The following ERCC8 variants were observed in gnomAD, a reference collection of about 807,000 sequenced individuals.
The protein encoded by ERCC8 is ERCC excision repair 8, CSA ubiquitin ligase complex subunit, also known as DNA excision repair protein ERCC-8.
In ERCC8, 52 loss-of-function variants were observed where a neutral mutation model predicts 54.9. The observed-to-expected ratio is 0.95, with a 90% CI of 0.76 to 1.19. The LOEUF is 1.19. Ranked by LOEUF, ERCC8 falls within the 50% of genes most tolerant of loss-of-function variation. The probability of loss-of-function intolerance (pLI) is 0.00; values close to 1 mark genes in which losing one functional copy is unlikely to be tolerated. For missense variants in ERCC8, 514 were observed against 466.1 expected (o/e 1.10, Z -0.95); for synonymous variants, 146 against 157.2 (o/e 0.93, Z 0.53).
At chr5:60,917,082 G>C (rs1749457221) in intron 4 of ERCC8, among the ~76,000 whole-genome samples, 1 of 152,100 alleles carries the variant, frequency 6.6e-6, no homozygotes, top group Non-Finnish European at 1.5e-5. Context: ...AGAACTAAAA[G>C]GGACCTTAGA....
chr5:60,904,632 GTGTATATATATATATATA>G (rs1202443038), intron 5 of ERCC8, among the ~76,000 whole-genome samples, 142 bp downstream of exon 5: 6 of 35,866 alleles, frequency 1.7e-4, no homozygotes, highest in Admixed American at 3.4e-4. Context: ...GTGTGTGTGT[GTGTATATATATATATATA>G]TATATATATA....
intron 1 of ERCC8, among the ~76,000 whole-genome samples, chr5:60,937,533 A>G (rs1026517138): frequency 6.6e-6 from 1 of 152,154 alleles, no homozygotes; most frequent in African/African-American, 2.4e-5. Context: ...CAGGGGGATT[A>G]TGGCTGCCTC....
chr5:60,898,597 CAAAAA>C (rs915232990), intron 8 of ERCC8, among the ~76,000 whole-genome samples, 197 bp from the exon 9 acceptor site: 1 of 139,516 alleles, frequency 7.2e-6, no homozygotes, highest in South Asian at 2.3e-4. Context: ...TAGAGGAAAA[CAAAAA>C]AAAAAGGGAA....
chr5:60,918,394 A>G lies in ERCC8; in HGVS notation c.276-6T>C, dbSNP rs1249768739. 6.2e-7 allele frequency: 1 copy of G among 1,609,020 alleles called. No individual in the cohort carries two copies. Among genetic ancestry groups the G allele is most frequent in the East Asian group, 2.2e-5 (1 of 44,840 alleles). On this transcript the variant is annotated splice_polypyrimidine_tract_variant and splice_region_variant and intron_variant, in intron 3 of 11. Transcript: ENST00000676185. ...TGTGAACATCAGGATGATCTCTACAAAACAGCAATCAAAATTTACATTAAC... is the reference window on the plus strand; with the variant it reads ...TGTGAACATCAGGATGATCTCTACAGAACAGCAATCAAAATTTACATTAAC...
chr5:60,903,603 A>G lies in ERCC8; in HGVS notation c.550+45T>C, dbSNP rs764057678. The G allele has an allele frequency of 1.1e-5, 18 of 1,610,558 alleles. No individual in the cohort carries two copies. In the Middle Eastern group the frequency reaches 5.1e-4, roughly 46 times the overall value. On this transcript the variant is annotated intron_variant, in intron 6 of 11. Transcript: ENST00000676185. ...TGTTAGTAACGTTTCTTTTTATTGAATCGTTTACTCAAAGTAGTTGCCGTT... is the reference window on the plus strand; with the variant it reads ...TGTTAGTAACGTTTCTTTTTATTGAGTCGTTTACTCAAAGTAGTTGCCGTT...
chr5:60,924,919 C>T (rs779070115), intron 2 of ERCC8, among the ~76,000 whole-genome samples: 6 of 152,016 alleles, frequency 3.9e-5, no homozygotes, highest in Admixed American at 1.3e-4. Context: ...ACATTATTCT[C>T]TCATTTATTA....
chr5:60,919,866 C>T (rs1749552219), intron 3 of ERCC8, among the ~76,000 whole-genome samples: 1 of 151,810 alleles, frequency 6.6e-6, no homozygotes, highest in Non-Finnish European at 1.5e-5. Context: ...TTTTAAAAAA[C>T]AGTAATTATG....
At chr5:60,899,231 T>C (rs1392701929) in intron 8 of ERCC8, among the ~76,000 whole-genome samples, 2 of 152,010 alleles carry the variant, frequency 1.3e-5, no homozygotes, top group African/African-American at 4.8e-5. Context: ...GTCACATGGA[T>C]TGCAGCTGAC....
chr5:60,904,634 G>GTATATATATATATA (rs869039109), intron 5 of ERCC8, among the ~76,000 whole-genome samples, 158 bp downstream of exon 5: 11 of 49,932 alleles, frequency 2.2e-4, no homozygotes, highest in African/African-American at 8.4e-4. Context: ...GTGTGTGTGT[G>GTATATATATATATA]TATATATATA....
chr5:60,900,223 G>T (rs1748836354), intron 7 of ERCC8, among the ~76,000 whole-genome samples: 1 of 151,836 alleles, frequency 6.6e-6, no homozygotes, highest in Non-Finnish European at 1.5e-5. Context: ...ATTTCCATTT[G>T]GTTTCCTATA....
At chr5:60,889,514 T>C (rs1748486886) in intron 10 of ERCC8, among the ~76,000 whole-genome samples, 1 of 152,132 alleles carries the variant, frequency 6.6e-6, no homozygotes, top group South Asian at 2.1e-4. Context: ...TTCTGTCACC[T>C]AGGCTGGCCT....
At chr5:60,928,841 T>C in intron 2 of ERCC8, 23 bp downstream of exon 2, 1 of 1,315,252 alleles carries the variant, frequency 7.6e-7, no homozygotes, top group African/African-American at 1.4e-5. Flanking sequence ...AGAAAAATGA[T>C]TATACAAGTA....
intron 6 of ERCC8, among the ~76,000 whole-genome samples, chr5:60,902,876 C>T (rs955524241): frequency 6.6e-6 from 1 of 151,860 alleles, no homozygotes; most frequent in African/African-American, 2.4e-5. Context: ...TCCAATTTCT[C>T]ATAAAGTTAT....
At chr5:60,938,090 A>ATT (rs1353584586) in intron 1 of ERCC8, among the ~76,000 whole-genome samples, 6 of 21,856 alleles carry the variant, frequency 2.7e-4, no homozygotes, top group Admixed American at 1.5e-3. Context: ...TATATATTTT[A>ATT]TTTTTTTTTT....
rs561599360 is a variant in ERCC8 at position 60,878,164 on chromosome 5, C to T, written c.1123-3481G>A. ...TTGTCATTGGTTCTGTTTATATGCT[C>T]GATTACGTTTATTGATTTGTGTATG... On this transcript the variant is annotated intron_variant, in intron 11 of 11. Coordinates refer to ENST00000676185, the MANE Select transcript of ERCC8 (RefSeq NM_000082.4). 2.3e-3 allele frequency among the ~76,000 whole-genome samples: 350 copies of T among 151,110 alleles called. 7 individuals carry two copies. In the East Asian group the frequency reaches 0.027, roughly 12 times the overall value.
At chr5:60,904,106 A>G (rs1748983504) in intron 5 of ERCC8, among the ~76,000 whole-genome samples, 1 of 152,084 alleles carries the variant, frequency 6.6e-6, no homozygotes, top group Non-Finnish European at 1.5e-5. Context: ...GTACAGTTCT[A>G]TTCCATTTTA....
intron 4 of ERCC8, among the ~76,000 whole-genome samples, chr5:60,907,770 A>T (rs1355741902): frequency 6.6e-6 from 1 of 152,120 alleles, no homozygotes; most frequent in East Asian, 1.9e-4. Flanking sequence ...AACAAAGAGC[A>T]TTTTCGCCCT....
intron 11 of ERCC8, among the ~76,000 whole-genome samples, chr5:60,880,911 C>T (rs1748195662): frequency 6.6e-6 from 1 of 152,188 alleles, no homozygotes; most frequent in Non-Finnish European, 1.5e-5. Context: ...TGGTGAGGAG[C>T]TGCGTTCCTT....
At chr5:60,924,081 T>C (rs927690888) in intron 2 of ERCC8, among the ~76,000 whole-genome samples, 3 of 152,154 alleles carry the variant, frequency 2.0e-5, no homozygotes, top group African/African-American at 7.2e-5. Flanking sequence ...TTCCCCTCTC[T>C]TGTAATTTAT....
Sources: allele counts gnomAD v4.1 joint callset (sites outside exome capture counted in the v4.1 genomes callset), GRCh38; gene constraint gnomAD v4.1.1; transcripts MANE v1.5; gene names NCBI Gene and HGNC (gene_info 2026-07-23, HGNC 2026-07-21).